The following FLRT2 variants were observed in gnomAD, a reference collection of about 807,000 sequenced individuals.
FLRT2 encodes the protein fibronectin leucine rich transmembrane protein 2, also known as leucine-rich repeat transmembrane protein FLRT2.
A neutral mutation model predicts 40.0 loss-of-function variants in FLRT2; 15 were observed. The ratio of observed to expected loss-of-function variants is 0.38; its 90% CI spans 0.25 to 0.58. The LOEUF (loss-of-function observed/expected upper bound fraction) is 0.58, where lower values mean the gene tolerates loss of function less well. Among genes scored for constraint, FLRT2 ranks in the 20% least tolerant of loss-of-function variants. The pLI is 0.71. For missense variants in FLRT2, 726 were observed against 840.0 expected, an observed-to-expected ratio of 0.86 and a Z score of 1.68; for synonymous variants, 380 against 336.8, an observed-to-expected ratio of 1.13 and a Z score of -1.41.
intron 1 of FLRT2, among the ~76,000 whole-genome samples, chr14:85,590,132 T>C (rs1446330928): frequency 6.6e-6 from 1 of 151,952 alleles, no homozygotes; most frequent in Non-Finnish European, 1.5e-5. Context: ...CTGTGCATCA[T>C]ATGGGATTTT....
rs1894320663 is a variant in FLRT2 at position 85,646,922 on chromosome 14, G to A, written c.*23425G>A. ...GTTTAAGGAAGGGGCTTAAGATATG[G>A]AAGTTGCCTGGGACCAACATACTCT... On this transcript the variant is annotated 3_prime_UTR_variant, in exon 2 of 2. Coordinates refer to ENST00000330753, the MANE Select transcript of FLRT2 (RefSeq NM_013231.6). 6.6e-6 allele frequency: 1 copy of A among 152,174 alleles called. No individual in the cohort carries two copies. Among genetic ancestry groups the A allele is most frequent in the Admixed American group, 6.5e-5 (1 of 15,276 alleles). The allele number at this position is 152,174 out of a possible 1,614,324, so 9.4% of individuals were successfully genotyped here.
At chr14:85,550,171 C>T (rs779820150) in intron 1 of FLRT2, among the ~76,000 whole-genome samples, 10 of 152,118 alleles carry the variant, frequency 6.6e-5, no homozygotes, top group Non-Finnish European at 8.8e-5. Flanking sequence ...GGCTTATCAA[C>T]AGGCAAAAAA....
At chr14:85,595,817 G>A (rs1892116193) in intron 1 of FLRT2, among the ~76,000 whole-genome samples, 1 of 152,076 alleles carries the variant, frequency 6.6e-6, no homozygotes, top group South Asian at 2.1e-4. Context: ...AGACCCAGTG[G>A]GAAAACTAGG....
At chr14:85,577,862 T>C (rs1891188152) in intron 1 of FLRT2, among the ~76,000 whole-genome samples, 1 of 152,066 alleles carries the variant, frequency 6.6e-6, no homozygotes. Flanking sequence ...ATTACAGGTG[T>C]GAGCTACCAC....
chr14:85,558,723 G>C (rs1890130985), intron 1 of FLRT2, among the ~76,000 whole-genome samples: 1 of 152,158 alleles, frequency 6.6e-6, no homozygotes, highest in Admixed American at 6.5e-5. Flanking sequence ...CAGCATTGAG[G>C]TATTTACTCA....
chr14:85,534,819 A>C (rs548051673), intron 1 of FLRT2, among the ~76,000 whole-genome samples: 198 of 151,606 alleles, frequency 1.3e-3, no homozygotes, highest in African/African-American at 4.5e-3. Flanking sequence ...CAAAAGCAAA[A>C]AGATTCCAGC....
Position 85,652,673 on chromosome 14 carries a change from G to C in FLRT2, c.*29176G>C, listed in dbSNP as rs1894461507. On this transcript the variant is annotated 3_prime_UTR_variant, in exon 2 of 2. Coordinates refer to ENST00000330753, the MANE Select transcript of FLRT2 (RefSeq NM_013231.6). ...GTCAATCATAGGATTTTCACACATG[G>C]CTTTTGTTCACAGTAAGTTATATCA... 1 of 152,038 alleles carries C rather than the reference G, an allele frequency of 6.6e-6. No individual in the cohort carries two copies. The highest frequency in any genetic ancestry group is 1.5e-5 in the Non-Finnish European group (1 of 68,006). The allele number at this position is 152,038 out of a possible 1,614,324, so 9.4% of individuals were successfully genotyped here. A position where few individuals can be genotyped will look rare whatever the true frequency, so the allele number is the denominator to read the frequency against.
intron 1 of FLRT2, among the ~76,000 whole-genome samples, chr14:85,604,066 C>T (rs1267229760): frequency 6.6e-5 from 10 of 152,072 alleles, no homozygotes; most frequent in Admixed American, 5.9e-4. Context: ...CTTCAGGAAG[C>T]CATCCTACCT....
intron 1 of FLRT2, among the ~76,000 whole-genome samples, chr14:85,594,874 C>A (rs1278316663): frequency 6.6e-6 from 1 of 152,078 alleles, no homozygotes; most frequent in African/African-American, 2.4e-5. Flanking sequence ...TCGATTAACA[C>A]ATACTTTGTA....
At chr14:85,591,296 C>T (rs538208599) in intron 1 of FLRT2, among the ~76,000 whole-genome samples, 20 of 152,140 alleles carry the variant, frequency 1.3e-4, no homozygotes, top group African/African-American at 3.6e-4. Context: ...CTTCCCAGGC[C>T]GTTTTCTCAG....
chr14:85,620,214 T>C (rs992670658), intron 1 of FLRT2, among the ~76,000 whole-genome samples: 3 of 152,248 alleles, frequency 2.0e-5, no homozygotes, highest in African/African-American at 7.2e-5. Context: ...ACGTTTATAC[T>C]ACTTTTTTTT....
intron 1 of FLRT2, among the ~76,000 whole-genome samples, chr14:85,570,204 A>G (rs1295726213): frequency 1.3e-5 from 2 of 152,050 alleles, no homozygotes; most frequent in Non-Finnish European, 2.9e-5. Context: ...TGCATTGAAT[A>G]TTAAAGATAG....
chr14:85,533,792 G>C (rs930772634), intron 1 of FLRT2, among the ~76,000 whole-genome samples: 1 of 151,578 alleles, frequency 6.6e-6, no homozygotes, highest in African/African-American at 2.4e-5. Context: ...GCCCGCTGCG[G>C]GGAGGCGCGC....
At chr14:85,544,218 C>T (rs1889145111) in intron 1 of FLRT2, among the ~76,000 whole-genome samples, 1 of 152,178 alleles carries the variant, frequency 6.6e-6, no homozygotes, top group Non-Finnish European at 1.5e-5. Flanking sequence ...GTAAACCCAA[C>T]CTTGATCAGC....
At chr14:85,543,076 C>T (rs186110925) in intron 1 of FLRT2, among the ~76,000 whole-genome samples, 2 of 152,242 alleles carry the variant, frequency 1.3e-5, no homozygotes, top group Admixed American at 6.5e-5. Flanking sequence ...ACACATTTAA[C>T]CCTGTAAGTT....
rs1227770133 is a variant in FLRT2 at position 85,634,804 on chromosome 14, G to C, written c.*11307G>C. The stretch of plus-strand genomic sequence containing the variant: ...AATATATGGAATTAGTGTGCAAAAA[G>C]TTGGGCTATATAACTCAAATCTCCT... On this transcript the variant is annotated 3_prime_UTR_variant, in exon 2 of 2. Transcript: ENST00000330753. 1 of 152,114 alleles carries C rather than the reference G, an allele frequency of 6.6e-6. No homozygotes were observed. The highest frequency in any genetic ancestry group is 1.5e-5 in the Non-Finnish European group (1 of 68,020). 9.4% of individuals were successfully genotyped at this position (152,114 alleles called of 1,614,324 possible).
At chr14:85,531,853 G>T (rs921801450) in intron 1 of FLRT2, among the ~76,000 whole-genome samples, 2 of 152,200 alleles carry the variant, frequency 1.3e-5, no homozygotes, top group Admixed American at 1.3e-4. Context: ...CGCACGAACC[G>T]GGTAGTGTGC....
chr14:85,545,387 C>A (rs12882499), intron 1 of FLRT2, among the ~76,000 whole-genome samples: 1 of 151,952 alleles, frequency 6.6e-6, no homozygotes, highest in African/African-American at 2.4e-5. Context: ...CCTCAGATTG[C>A]TTGTTTTACT....
At chr14:85,589,368 G>A (rs942912147) in intron 1 of FLRT2, among the ~76,000 whole-genome samples, 1 of 152,188 alleles carries the variant, frequency 6.6e-6, no homozygotes, top group African/African-American at 2.4e-5. Context: ...GGTCAGTGGT[G>A]TTGAGCACCT....
Sources: gnomAD v4.1 joint callset for allele counts (sites outside exome capture counted in the v4.1 genomes callset) on GRCh38, gnomAD v4.1.1 for gene constraint, MANE v1.5 for transcripts, NCBI Gene and HGNC (gene_info 2026-07-23, HGNC 2026-07-21) for gene names.